The following CEP43 variants were observed in gnomAD, a reference collection of about 807,000 sequenced individuals.
The protein encoded by CEP43 is centrosomal protein 43, also known as FGFR1 oncogene partner.
CEP43 carries 36 observed loss-of-function variants against 52.6 expected under a neutral mutation model. That is an observed-to-expected ratio of 0.68 (90% confidence interval 0.52 to 0.90). CEP43 has a LOEUF of 0.90. Ranked by LOEUF, CEP43 falls within the 40% of genes least tolerant of loss-of-function variation. The pLI is 0.00. For missense variants in CEP43, 506 were observed against 472.8 expected (o/e 1.07, Z -0.65); for synonymous variants, 192 against 172.4 (o/e 1.11, Z -0.89).
intron 7 of CEP43, among the ~76,000 whole-genome samples, chr6:167,019,277 C>T (rs566336895): frequency 1.3e-5 from 2 of 150,468 alleles, no homozygotes; most frequent in Non-Finnish European, 2.9e-5. Flanking sequence ...GCTGTGCACA[C>T]ACATACACCT....
chr6:167,022,374 C>A, intron 7 of CEP43, 35 bp from the exon 8 acceptor site: 1 of 1,445,292 alleles, frequency 6.9e-7, no homozygotes, highest in Non-Finnish European at 9.6e-7. Context: ...TTTTATCTCA[C>A]CAAGGAGGCC....
At chr6:167,019,669 G>A (rs1780181732) in intron 7 of CEP43, among the ~76,000 whole-genome samples, 4 of 152,160 alleles carry the variant, frequency 2.6e-5, no homozygotes, top group Non-Finnish European at 1.5e-5. Flanking sequence ...TTACAAGTAT[G>A]TGTTGTGTAA....
chr6:167,022,259 A>AACACAC (rs35327997), intron 7 of CEP43, 150 bp from the exon 8 acceptor site: 20,900 of 542,798 alleles, frequency 0.039, 207 homozygotes, highest in Non-Finnish European at 0.042. Flanking sequence ...GAGCTGCCCC[A>AACACAC]ACACACACAC....
In CEP43 at chr6:167,041,343, G is replaced by A; in HGVS notation, c.*1365G>A. 9.5e-7 allele frequency: 1 copy of A among 1,057,392 alleles called. No individual in the cohort carries two copies. Among genetic ancestry groups the A allele is most frequent in the Non-Finnish European group, 1.1e-6 (1 of 874,242 alleles). The allele number at this position is 1,057,392 out of a possible 1,614,324, so 65.5% of individuals were successfully genotyped here. A position where few individuals can be genotyped will look rare whatever the true frequency, so the allele number is the denominator to read the frequency against. On this transcript the variant is annotated 3_prime_UTR_variant, in exon 13 of 13. Transcript: ENST00000366847. Reference sequence around the variant, plus strand: ...TTTAAAATTTAAGTGAAACTAAGCTGTAAACATCAAGAGGAAGTAGGACAT... The same window carrying A: ...TTTAAAATTTAAGTGAAACTAAGCTATAAACATCAAGAGGAAGTAGGACAT...
intron 5 of CEP43, among the ~76,000 whole-genome samples, chr6:167,009,835 C>CA (rs1016878429): frequency 2.7e-5 from 4 of 148,878 alleles, no homozygotes; most frequent in African/African-American, 5.0e-5. Context: ...GACCCTGTTT[C>CA]AAAAAAAAGA....
In CEP43 at chr6:167,040,367, T is replaced by C; in HGVS notation, c.*389T>C. Reference sequence around the variant, plus strand: ...ACGTGTGATCTTTGAAAACCTTGGCTTTAGCCCTCTGGAATCAGAGCTTAC... The same window carrying C: ...ACGTGTGATCTTTGAAAACCTTGGCCTTAGCCCTCTGGAATCAGAGCTTAC... On this transcript the variant is annotated 3_prime_UTR_variant, in exon 13 of 13. Coordinates refer to ENST00000366847, the MANE Select transcript of CEP43 (RefSeq NM_007045.4). 1 of 1,380,280 alleles carries C rather than the reference T, an allele frequency of 7.2e-7. No homozygotes were observed. 85.5% of individuals were successfully genotyped at this position (1,380,280 alleles called of 1,614,324 possible).
rs577131119 is a variant in CEP43 at position 167,050,818 on chromosome 6, A to G, written c.*10840A>G. On this transcript the variant is annotated 3_prime_UTR_variant, in exon 13 of 13. Coordinates refer to ENST00000366847, the MANE Select transcript of CEP43 (RefSeq NM_007045.4). ...AAAAAAAAAAAAGAAAGAAAATGAG[A>G]CATTGGATTTGTAAGTTTCTGACAG... 1.3e-5 allele frequency: 2 copies of G among 150,624 alleles called. No individual in the cohort carries two copies. The highest frequency in any genetic ancestry group is 4.9e-5 in the African/African-American group (2 of 40,990). 9.3% of individuals were successfully genotyped at this position (150,624 alleles called of 1,614,324 possible). A position where few individuals can be genotyped will look rare whatever the true frequency, so the allele number is the denominator to read the frequency against.
intron 8 of CEP43, among the ~76,000 whole-genome samples, chr6:167,023,840 G>A (rs1486797170): frequency 1.3e-5 from 2 of 152,140 alleles, no homozygotes; most frequent in Admixed American, 6.6e-5. Context: ...GTTGGAATGG[G>A]GGTGCGAGGC....
At position 167,040,983 on chromosome 6, in the gene CEP43, T is replaced by C; in HGVS notation, c.*1005T>C. ...ATTGCTATTATGTAGGTCACGGATG[T>C]TTATAATACTAAAGTATTTTAAAAT... is the stretch of plus-strand genomic sequence containing the variant. On this transcript the variant is annotated 3_prime_UTR_variant, in exon 13 of 13. Transcript: ENST00000366847. 3 of 1,025,324 alleles carry C rather than the reference T, an allele frequency of 2.9e-6. No individual in the cohort carries two copies. The highest frequency in any genetic ancestry group is 1.7e-5 in the African/African-American group (1 of 59,144). 63.5% of individuals were successfully genotyped at this position (1,025,324 alleles called of 1,614,324 possible).
intron 6 of CEP43, among the ~76,000 whole-genome samples, chr6:167,013,190 G>T (rs2128660652): frequency 6.6e-6 from 1 of 152,258 alleles, no homozygotes; most frequent in South Asian, 2.1e-4. Context: ...AAGTTGCCTA[G>T]GAACTCAAGT....
Position 167,041,229 on chromosome 6 carries a change from C to A in CEP43, c.*1251C>A. On this transcript the variant is annotated 3_prime_UTR_variant, in exon 13 of 13. Transcript: ENST00000366847. ...ATGCCAGTTTCTCATTTCATATTAG[C>A]CTAAATATTACAGAAATTACTCCTT... is the stretch of plus-strand genomic sequence containing the variant. 9.5e-7 allele frequency: 1 copy of A among 1,047,182 alleles called. No homozygotes were observed. The highest frequency in any genetic ancestry group is 1.2e-6 in the Non-Finnish European group (1 of 868,174). 64.9% of individuals were successfully genotyped at this position (1,047,182 alleles called of 1,614,324 possible).
intron 6 of CEP43, 80 bp from the exon 7 acceptor site, chr6:167,013,428 A>G (rs1274678872): frequency 2.6e-6 from 3 of 1,154,448 alleles, no homozygotes; most frequent in South Asian, 2.7e-5. Flanking sequence ...TTCAGTAGGT[A>G]TCTTTGTTTG....
Position 167,040,470 on chromosome 6 carries a change from T to C in CEP43, c.*492T>C. On this transcript the variant is annotated 3_prime_UTR_variant, in exon 13 of 13. Coordinates refer to ENST00000366847, the MANE Select transcript of CEP43 (RefSeq NM_007045.4). ...ACTTGGTAAATTTGTAATGCTGAAG[T>C]ATATTAGTATAAGTTAAATTTGATG... The C allele has an allele frequency of 2.6e-6, 3 of 1,174,678 alleles. No homozygotes were observed. The highest frequency in any genetic ancestry group is 3.2e-6 in the Non-Finnish European group (3 of 946,522). The allele number at this position is 1,174,678 out of a possible 1,614,324, so 72.8% of individuals were successfully genotyped here. A position where few individuals can be genotyped will look rare whatever the true frequency, so the allele number is the denominator to read the frequency against.
chr6:167,001,966 C>T (rs2128656717), intron 2 of CEP43, among the ~76,000 whole-genome samples: 1 of 152,266 alleles, frequency 6.6e-6, no homozygotes, highest in Admixed American at 6.5e-5. Context: ...TCTTAGAATT[C>T]CCTGAACCAG....
At chr6:167,032,344 C>A (rs1050075225) in intron 10 of CEP43, among the ~76,000 whole-genome samples, 4 of 152,086 alleles carry the variant, frequency 2.6e-5, no homozygotes, top group African/African-American at 9.7e-5. Context: ...GTGAGTGTGC[C>A]CCATGTTAAT....
At chr6:167,008,123 GTT>G (rs71032893) in intron 5 of CEP43, among the ~76,000 whole-genome samples, 2,888 of 143,986 alleles carry the variant, frequency 0.02, 48 homozygotes, top group East Asian at 0.095. Flanking sequence ...AGCCTTATGT[GTT>G]TTTTTTTTTT....
chr6:167,016,399 C>T (rs929625635), intron 7 of CEP43, among the ~76,000 whole-genome samples: 1 of 152,166 alleles, frequency 6.6e-6, no homozygotes, highest in Non-Finnish European at 1.5e-5. Flanking sequence ...ACAACAGGTG[C>T]ATGCCAGCAC....
At chr6:167,025,330 C>T (rs1303754577) in intron 9 of CEP43, 1 of 153,630 alleles carries the variant, frequency 6.5e-6, no homozygotes, top group East Asian at 1.9e-4. Context: ...GAACAGTGAC[C>T]TGACATGTCA....
Position 167,043,160 on chromosome 6 carries a change from CT to C in CEP43, c.*3183del, listed in dbSNP as rs1250240313. On this transcript the variant is annotated 3_prime_UTR_variant, in exon 13 of 13. Transcript: ENST00000366847. ...GAGCAGGGCCTCTGAAGGAGGTGCC[CT>C]CTGTGTGGCTCTGCTGTGGTGTTGG... 1 of 152,412 alleles carries C rather than the reference CT, an allele frequency of 6.6e-6. No individual in the cohort carries two copies. Among genetic ancestry groups the C allele is most frequent in the Non-Finnish European group, 1.5e-5 (1 of 68,284 alleles). The allele number at this position is 152,412 out of a possible 1,614,324, so 9.4% of individuals were successfully genotyped here.
Sources: gnomAD v4.1 joint callset for allele counts (sites outside exome capture counted in the v4.1 genomes callset) on GRCh38, gnomAD v4.1.1 for gene constraint, MANE v1.5 for transcripts, NCBI Gene and HGNC (gene_info 2026-07-23, HGNC 2026-07-21) for gene names.